GTF2H1: variants seen among roughly 807,000 people sequenced by gnomAD.
GTF2H1 encodes the protein BTF2 p62.
GTF2H1 carries 16 observed loss-of-function variants against 71.2 expected under a neutral mutation model. The observed-to-expected ratio is 0.22, with a 90% CI of 0.15 to 0.34. The LOEUF (loss-of-function observed/expected upper bound fraction) is 0.34, where lower values mean the gene tolerates loss of function less well. Ranked by LOEUF, GTF2H1 falls within the 10% of genes least tolerant of loss-of-function variation. The pLI is 1.00. For missense variants in GTF2H1, 498 were observed against 648.2 expected (o/e 0.77, Z 2.52); for synonymous variants, 215 against 219.0 (o/e 0.98, Z 0.16).
At position 18,324,001 on chromosome 11, in the gene GTF2H1, T is replaced by C. The variant is rs566422461; in HGVS notation, c.-16+1261T>C. On this transcript the variant is annotated intron_variant, in intron 1 of 14. Coordinates refer to ENST00000265963, the MANE Select transcript of GTF2H1 (RefSeq NM_005316.4). ...GTACCTGTTAGCAGGCTTAAGTCCC[T>C]CATTCAGAAAGGAGAAAAAAGAGAT... Among the ~76,000 whole-genome samples, 10 of 152,026 alleles carry C rather than the reference T, an allele frequency of 6.6e-5. No homozygotes were observed. In the South Asian group the frequency reaches 2.1e-3, roughly 32 times the overall value.
chr11:18,340,333 G>A (rs1865127977), intron 5 of GTF2H1, among the ~76,000 whole-genome samples: 1 of 151,872 alleles, frequency 6.6e-6, no homozygotes, highest in African/African-American at 2.4e-5. Flanking sequence ...TGTCAACCAG[G>A]CTGGAGTGCA....
intron 3 of GTF2H1, among the ~76,000 whole-genome samples, chr11:18,337,006 C>T (rs1035801487): frequency 5.3e-5 from 8 of 152,168 alleles, no homozygotes; most frequent in African/African-American, 1.7e-4. Context: ...CTGCCTGGGC[C>T]TTCCAAAGTG....
intron 1 of GTF2H1, among the ~76,000 whole-genome samples, chr11:18,324,508 C>G (rs962779045): frequency 6.6e-6 from 1 of 152,194 alleles, no homozygotes; most frequent in Non-Finnish European, 1.5e-5. Flanking sequence ...AGGCTTGTAA[C>G]TTCTCCCTGC....
chr11:18,351,285 A>ATT (rs56307193), intron 9 of GTF2H1, among the ~76,000 whole-genome samples: 4,508 of 140,472 alleles, frequency 0.032, 102 homozygotes, highest in Middle Eastern at 0.056. Context: ...AAGAGGCGGA[A>ATT]TTTTTTTTTT....
intron 11 of GTF2H1, among the ~76,000 whole-genome samples, chr11:18,355,772 C>A (rs191613051): frequency 2.0e-4 from 31 of 152,276 alleles, no homozygotes; most frequent in Non-Finnish European, 4.3e-4. Context: ...GCCTCAGCCT[C>A]CCAAAATGAA....
At chr11:18,350,352 A>G (rs1865395669) in intron 9 of GTF2H1, among the ~76,000 whole-genome samples, 1 of 152,192 alleles carries the variant, frequency 6.6e-6, no homozygotes, top group South Asian at 2.1e-4. Flanking sequence ...CAGCAGGGGT[A>G]GAGATAAGCT....
At chr11:18,323,978 A>G (rs1864674979) in intron 1 of GTF2H1, among the ~76,000 whole-genome samples, 1 of 152,176 alleles carries the variant, frequency 6.6e-6, no homozygotes, top group African/African-American at 2.4e-5. Flanking sequence ...AGAACTTTGT[A>G]CCTGTTAGCA....
chr11:18,332,163 C>T (rs1187986512), intron 1 of GTF2H1, among the ~76,000 whole-genome samples: 1 of 152,148 alleles, frequency 6.6e-6, no homozygotes, highest in Non-Finnish European at 1.5e-5. Flanking sequence ...AAAAATGTTG[C>T]GGTAAAGCTT....
At position 18,358,621 on chromosome 11, in the gene GTF2H1, C is replaced by T. The variant is rs771520878; in HGVS notation, c.1448C>T (p.Thr483Met). The change falls in exon 13 of 15, where the codon ACG (threonine) becomes ATG (methionine). Residue 483 changes from threonine to methionine, a missense_variant. Physicochemically the swap from Thr to Met is moderately conservative, Grantham distance 81. Coordinates refer to ENST00000265963, the MANE Select transcript of GTF2H1 (RefSeq NM_005316.4). The stretch of plus-strand genomic sequence containing the variant: ...TTCTGGTCCTGCTTTCCTGTTAATA[C>T]GCCATTCCTAGAAGAAAAGGTTAGA... ...RHFWSCFPVN[T>M]PFLEEKVVKM... The T allele has an allele frequency of 1.6e-5, 25 of 1,600,594 alleles. No individual in the cohort carries two copies. The highest frequency in any genetic ancestry group is 4.5e-5 in the East Asian group (2 of 44,766).
chr11:18,330,606 G>T (rs187454276), intron 1 of GTF2H1, among the ~76,000 whole-genome samples: 10 of 152,332 alleles, frequency 6.6e-5, no homozygotes, highest in Admixed American at 4.6e-4. Context: ...ATGTGTCCTG[G>T]ACCATGAAGA....
chr11:18,333,474 G>A (rs935294651), intron 2 of GTF2H1: 2 of 287,732 alleles, frequency 7.0e-6, no homozygotes, highest in East Asian at 6.3e-5. Flanking sequence ...TTTAAGAGTT[G>A]CATAATACTC....
intron 9 of GTF2H1, among the ~76,000 whole-genome samples, chr11:18,350,476 T>TA (rs1865398468): frequency 6.6e-6 from 1 of 152,062 alleles, no homozygotes. Flanking sequence ...GGTAAGGATG[T>TA]GTTTCTCTGA....
chr11:18,340,266 G>C (rs1242601136), intron 5 of GTF2H1, among the ~76,000 whole-genome samples: 3 of 151,632 alleles, frequency 2.0e-5, no homozygotes, highest in African/African-American at 4.9e-5. Context: ...ACTAGCCTGG[G>C]CAACAAAACA....
rs113210085 is a variant in GTF2H1, at chr11:18,347,582, T to C, written c.838-6T>C. The C allele has an allele frequency of 6.3e-7, 1 of 1,583,686 alleles. No homozygotes were observed. The highest frequency in any genetic ancestry group is 1.2e-5 in the South Asian group (1 of 85,886). On this transcript the variant is annotated splice_polypyrimidine_tract_variant and splice_region_variant and intron_variant, in intron 7 of 14. Transcript: ENST00000265963. Reference sequence around the variant, plus strand: ...TAAAAAATTTTTAATCTATTATTTCTCACAGGGCTATGGCATTTCCTCTGT... The same window carrying C: ...TAAAAAATTTTTAATCTATTATTTCCCACAGGGCTATGGCATTTCCTCTGT...
intron 2 of GTF2H1, among the ~76,000 whole-genome samples, chr11:18,334,885 AAAAT>A (rs1432987159): frequency 6.6e-6 from 1 of 152,240 alleles, no homozygotes; most frequent in Non-Finnish European, 1.5e-5. Context: ...ATTTTAATAA[AAAAT>A]AGCCATTGTT....
chr11:18,341,627 G>A lies in GTF2H1; in HGVS notation c.837+20G>A. 2 of 1,483,226 alleles carry A rather than the reference G, an allele frequency of 1.3e-6. No individual in the cohort carries two copies. The highest frequency in any genetic ancestry group is 2.3e-5 in the East Asian group (1 of 44,168). The allele number at this position is 1,483,226 out of a possible 1,614,324, so 91.9% of individuals were successfully genotyped here. ...GATGAGGTAAGAAGCAATAAAAGAA[G>A]TTTTGAGAGAAAAGAGTCTTTTCCT... On this transcript the variant is annotated intron_variant, in intron 7 of 14. Coordinates refer to ENST00000265963, the MANE Select transcript of GTF2H1 (RefSeq NM_005316.4).
intron 14 of GTF2H1, among the ~76,000 whole-genome samples, chr11:18,361,453 G>A (rs918985191): frequency 9.9e-5 from 15 of 152,096 alleles, no homozygotes; most frequent in Non-Finnish European, 1.9e-4. Flanking sequence ...GATCACTTGA[G>A]GTCAGGAGTT....
chr11:18,343,078 C>T (rs906879100), intron 7 of GTF2H1, among the ~76,000 whole-genome samples: 6 of 152,128 alleles, frequency 3.9e-5, no homozygotes, highest in East Asian at 1.9e-4. Flanking sequence ...CATGCCACCA[C>T]GCCAGGCTAA....
intron 9 of GTF2H1, among the ~76,000 whole-genome samples, chr11:18,351,179 G>T (rs528824025): frequency 7.7e-4 from 117 of 151,900 alleles, no homozygotes; most frequent in African/African-American, 2.7e-3. Flanking sequence ...TGTAATCTCC[G>T]CAATTTAGGA....
Sources: gnomAD v4.1 joint callset for allele counts (sites outside exome capture counted in the v4.1 genomes callset) on GRCh38, gnomAD v4.1.1 for gene constraint, MANE v1.5 for transcripts, NCBI Gene and HGNC (gene_info 2026-07-23, HGNC 2026-07-21) for gene names.